Variants in CLVS1 observed in about 807,000 individuals in gnomAD.
CLVS1 encodes clavesin 1.
Under a neutral mutation model 33.1 loss-of-function variants are expected in CLVS1, and 10 were observed. The ratio of observed to expected loss-of-function variants is 0.30; its 90% CI spans 0.19 to 0.51. The LOEUF (loss-of-function observed/expected upper bound fraction) is 0.51, where lower values mean the gene tolerates loss of function less well. Ranked by LOEUF, CLVS1 falls within the 20% of genes least tolerant of loss-of-function variation. The pLI is 0.97. For synonymous variants in CLVS1, 163 were observed against 166.1 expected (o/e 0.98, Z 0.14); for missense variants, 343 against 433.4 (o/e 0.79, Z 1.85).
the CLVS1 span, among the ~76,000 whole-genome samples, chr8:60,981,460 A>G: frequency 6.6e-6 from 1 of 152,318 alleles, no homozygotes; most frequent in South Asian, 2.1e-4. Context: ...GACTCAGCAC[A>G]CTGAACTGTG....
intron 1 of CLVS1, among the ~76,000 whole-genome samples, chr8:61,082,772 C>G (rs1805044667): frequency 6.6e-6 from 1 of 152,136 alleles, no homozygotes; most frequent in Non-Finnish European, 1.5e-5. Flanking sequence ...AGGCCAGGTG[C>G]AGTTGCTCAT....
rs575680297 is a variant in CLVS1, at chr8:61,480,695, G to T, written c.978-18760G>T. On this transcript the variant is annotated intron_variant, in intron 5 of 5. Coordinates refer to ENST00000325897, the MANE Select transcript of CLVS1 (RefSeq NM_173519.3). ...TCGCTTCTGCTGGGAGCTGTAGACTGGAGCTGTTCCTATTCATCCATCTTG... is the reference window on the plus strand; with the variant it reads ...TCGCTTCTGCTGGGAGCTGTAGACTTGAGCTGTTCCTATTCATCCATCTTG... Among the ~76,000 whole-genome samples the T allele has an allele frequency of 5.9e-5, 9 of 152,262 alleles. No individual in the cohort carries two copies. The East Asian group carries it at 1.7e-3, about 29-fold the overall frequency.
At chr8:61,333,038 G>C (rs1283879067) in intron 2 of CLVS1, among the ~76,000 whole-genome samples, 1 of 152,102 alleles carries the variant, frequency 6.6e-6, no homozygotes. Flanking sequence ...CCATGATTCT[G>C]TTCTTGACGA....
chr8:61,034,017 G>A, the CLVS1 span, among the ~76,000 whole-genome samples: 3 of 152,108 alleles, frequency 2.0e-5, no homozygotes, highest in African/African-American at 4.8e-5. Context: ...TCATCCACAA[G>A]TTCAGCGGGA....
chr8:61,054,937 C>G (rs2090366865), upstream of CLVS1, among the ~76,000 whole-genome samples: 2 of 152,176 alleles, frequency 1.3e-5, no homozygotes, highest in Non-Finnish European at 2.9e-5. Flanking sequence ...GTATAAATCC[C>G]TTTTGTCCAA....
At chr8:61,187,757 CTT>C (rs1453718144) in intron 2 of CLVS1, among the ~76,000 whole-genome samples, 1 of 149,708 alleles carries the variant, frequency 6.7e-6, no homozygotes, top group East Asian at 1.9e-4. Context: ...ATTTTTTAAA[CTT>C]ATAAAATAAT....
the CLVS1 span, among the ~76,000 whole-genome samples, chr8:60,994,136 C>T: frequency 1.3e-5 from 2 of 152,160 alleles, no homozygotes; most frequent in Non-Finnish European, 2.9e-5. Context: ...GCATTGGTGT[C>T]TCCTGAGGCC....
chr8:61,125,458 C>T lies in CLVS1; in HGVS notation c.-242-6312C>T, dbSNP rs201853150. ...AAAAAAAGACATAAGTTCAGTTCCTCATTTTGGTCTTTCTCTTCCAGATAA... is the reference window on the plus strand; with the variant it reads ...AAAAAAAGACATAAGTTCAGTTCCTTATTTTGGTCTTTCTCTTCCAGATAA... On this transcript the variant is annotated intron_variant, in intron 1 of 2. Coordinates refer to the CLVS1 transcript ENST00000522621. Among the ~76,000 whole-genome samples the T allele has an allele frequency of 1.2e-4, 18 of 152,304 alleles. No homozygotes were observed. In the East Asian group the frequency reaches 3.5e-3, roughly 29 times the overall value.
chr8:61,340,123 G>A (rs1223448507), intron 2 of CLVS1, among the ~76,000 whole-genome samples: 1 of 151,934 alleles, frequency 6.6e-6, no homozygotes, highest in Non-Finnish European at 1.5e-5. Flanking sequence ...GAGAGAAAGG[G>A]AAAGAACCCT....
At chr8:61,255,364 C>T (rs79614327) in intron 2 of CLVS1, among the ~76,000 whole-genome samples, 292 of 144,744 alleles carry the variant, frequency 2.0e-3, no homozygotes, top group African/African-American at 6.9e-3. Context: ...AAGCTTCTTC[C>T]GTTATTCATT....
At chr8:61,064,323 TTTTATGCTTCAACAATG>T in intron 1 of CLVS1, among the ~76,000 whole-genome samples, 1 of 152,208 alleles carries the variant, frequency 6.6e-6, no homozygotes, top group Non-Finnish European at 1.5e-5. Context: ...CGCTGCACCA[TTTTATGCTTCAACAATG>T]AAGTACGAGG....
At chr8:61,024,827 T>C in the CLVS1 span, among the ~76,000 whole-genome samples, 1 of 152,104 alleles carries the variant, frequency 6.6e-6, no homozygotes, top group Non-Finnish European at 1.5e-5. Context: ...TGCATTTTTC[T>C]TTCTGTTTTT....
At chr8:61,478,490 T>A (rs1297628096) in intron 5 of CLVS1, among the ~76,000 whole-genome samples, 1 of 152,232 alleles carries the variant, frequency 6.6e-6, no homozygotes, top group Non-Finnish European at 1.5e-5. Flanking sequence ...GCTTTATGAA[T>A]CTGGGTGCTC....
At chr8:61,449,012 C>T (rs1816858716) in intron 3 of CLVS1, among the ~76,000 whole-genome samples, 1 of 151,008 alleles carries the variant, frequency 6.6e-6, no homozygotes, top group Admixed American at 6.6e-5. Flanking sequence ...AACTCTGGAT[C>T]TAATGTAAAC....
chr8:61,088,240 G>A (rs1156949556), intron 1 of CLVS1, among the ~76,000 whole-genome samples: 1 of 152,194 alleles, frequency 6.6e-6, no homozygotes, highest in Non-Finnish European at 1.5e-5. Flanking sequence ...TGTAATCCCA[G>A]TACTTTGGGA....
At chr8:61,274,297 C>T (rs1241002499) in intron 2 of CLVS1, among the ~76,000 whole-genome samples, 2 of 152,192 alleles carry the variant, frequency 1.3e-5, no homozygotes, top group Admixed American at 6.5e-5. Flanking sequence ...TCTGCTTGGA[C>T]TAGATTAAAT....
intron 2 of CLVS1, among the ~76,000 whole-genome samples, chr8:61,229,345 C>CTGACCACT (rs1808387808): frequency 6.6e-6 from 1 of 152,234 alleles, no homozygotes; most frequent in South Asian, 2.1e-4. Flanking sequence ...CTGGCCCTTA[C>CTGACCACT]TGACCACTTG....
At chr8:61,344,063 G>T (rs1812117614) in intron 2 of CLVS1, among the ~76,000 whole-genome samples, 1 of 151,926 alleles carries the variant, frequency 6.6e-6, no homozygotes, top group Admixed American at 6.6e-5. Flanking sequence ...TATTTATTGG[G>T]CACTTAATGG....
chr8:61,058,384 C>A (rs1017073231), intron 1 of CLVS1, among the ~76,000 whole-genome samples: 1 of 152,148 alleles, frequency 6.6e-6, no homozygotes, highest in African/African-American at 2.4e-5. Flanking sequence ...TGACAGGAAC[C>A]TTTCTTTTAT....
Sources: gnomAD v4.1 joint callset for allele counts (sites outside exome capture counted in the v4.1 genomes callset) on GRCh38, gnomAD v4.1.1 for gene constraint, MANE v1.5 for transcripts, NCBI Gene and HGNC (gene_info 2026-07-23, HGNC 2026-07-21) for gene names.